PTPRD: variants seen among roughly 807,000 people sequenced by gnomAD.
PTPRD encodes receptor-type tyrosine-protein phosphatase delta.
PTPRD carries 34 observed loss-of-function variants against 214.5 expected under a neutral mutation model. The observed-to-expected ratio is 0.16, with a 90% CI of 0.12 to 0.21. The LOEUF is 0.21. PTPRD is among the 10% of genes least tolerant of loss of function. PTPRD has a pLI of 1.00. For synonymous variants in PTPRD, 1,128 were observed against 845.7 expected (o/e 1.33, Z -5.79); for missense variants, 2,545 against 2,398.7 (o/e 1.06, Z -1.27).
At chr9:9,186,585 T>C (rs531295871) in intron 9 of PTPRD, among the ~76,000 whole-genome samples, 32 of 151,622 alleles carry the variant, frequency 2.1e-4, no homozygotes, top group African/African-American at 7.7e-4. Context: ...CACTCCAACC[T>C]GGACAACAAA....
chr9:10,549,295 C>T lies in PTPRD; in HGVS notation c.-600+63103G>A, dbSNP rs368831469. ...ACCCTGTTAGACTTCTACATCCAAA[C>T]CGAACAGCCCTCTAATCACCAGTGA... On this transcript the variant is annotated intron_variant, in intron 2 of 45. Coordinates refer to ENST00000381196, the MANE Select transcript of PTPRD (RefSeq NM_002839.4). Among the ~76,000 whole-genome samples, 186 of 152,208 alleles carry T rather than the reference C, an allele frequency of 1.2e-3. 1 individual carries two copies. In the Middle Eastern group the frequency reaches 0.017, roughly 14 times the overall value.
At position 9,788,788 on chromosome 9, in the gene PTPRD, A is replaced by AT. The variant is rs540310852; in HGVS notation, c.-367-21938dup. ...CAAATCTGGCCATATTTTAAAGAAT[A>AT]TTTTTTTTTTCTGCATGAAGTTGAC... On this transcript the variant is annotated intron_variant, in intron 5 of 45. Transcript: ENST00000381196. 2.3e-3 allele frequency among the ~76,000 whole-genome samples: 348 copies of AT among 148,440 alleles called. 1 individual carries two copies. The highest frequency in any genetic ancestry group is 6.6e-3 in the African/African-American group (260 of 39,510).
At chr9:8,351,785 G>A (rs956448473) in intron 39 of PTPRD, among the ~76,000 whole-genome samples, 2 of 147,662 alleles carry the variant, frequency 1.4e-5, no homozygotes, top group Non-Finnish European at 3.0e-5. Context: ...TAGAGTTAGG[G>A]AGATGACCCA....
intron 2 of PTPRD, among the ~76,000 whole-genome samples, chr9:10,412,119 G>C (rs1186956381): frequency 2.6e-5 from 4 of 151,680 alleles, no homozygotes; most frequent in African/African-American, 9.7e-5. Context: ...CCTGAGGGAA[G>C]ATTTGAAGCC....
intron 2 of PTPRD, among the ~76,000 whole-genome samples, chr9:10,519,635 T>C (rs766030604): frequency 6.6e-6 from 1 of 152,172 alleles, no homozygotes; most frequent in Non-Finnish European, 1.5e-5. Flanking sequence ...TAAGTCTGTA[T>C]TGAGCAAGTC....
intron 3 of PTPRD, among the ~76,000 whole-genome samples, chr9:10,170,622 G>C (rs1231128577): frequency 6.6e-6 from 1 of 152,124 alleles, no homozygotes; most frequent in Non-Finnish European, 1.5e-5. Flanking sequence ...GGGAGGCGGA[G>C]CTTGCAGTGA....
intron 34 of PTPRD, among the ~76,000 whole-genome samples, chr9:8,439,678 C>G (rs770782037): frequency 6.6e-6 from 1 of 151,980 alleles, no homozygotes; most frequent in Non-Finnish European, 1.5e-5. Flanking sequence ...AAACAATGAC[C>G]AAGGATCTAC....
chr9:8,486,307 T>A lies in PTPRD; in HGVS notation c.2510A>T (p.Asn837Ile), dbSNP rs367702856. 54 of 1,614,054 alleles carry A rather than the reference T, an allele frequency of 3.3e-5. No homozygotes were observed. Among genetic ancestry groups the A allele is most frequent in the Non-Finnish European group, 4.1e-5 (48 of 1,180,022 alleles). The change falls in exon 28 of 46, where the codon AAT becomes ATT. Residue 837 changes from asparagine (N) to isoleucine (I), a missense_variant. Asn to Ile is a moderately radical substitution (Grantham distance 149). Transcript: ENST00000381196. ...PRLVINHTQM[N>I]TALIQWHPPV... Reference sequence around the variant, plus strand: ...AGGGTGCCACTGAATAAGAGCAGTATTCATCTGAGTGTGGTTAATCACAAG... The same window carrying A: ...AGGGTGCCACTGAATAAGAGCAGTAATCATCTGAGTGTGGTTAATCACAAG...
intron 3 of PTPRD, among the ~76,000 whole-genome samples, chr9:10,109,568 G>C (rs545487065): frequency 7.9e-5 from 12 of 152,168 alleles, no homozygotes; most frequent in African/African-American, 2.9e-4. Context: ...CTTTTACTCA[G>C]GCAACTCTAT....
chr9:9,745,575 A>G (rs951347998), intron 6 of PTPRD, among the ~76,000 whole-genome samples: 7 of 152,046 alleles, frequency 4.6e-5, no homozygotes, highest in African/African-American at 1.7e-4. Flanking sequence ...ACATATTGCA[A>G]TTCCTCAAAA....
At chr9:8,965,130 C>T (rs557311849) in intron 11 of PTPRD, among the ~76,000 whole-genome samples, 1 of 152,088 alleles carries the variant, frequency 6.6e-6, no homozygotes, top group South Asian at 2.1e-4. Flanking sequence ...GTAATCCCAG[C>T]ACTTTGGGAG....
At chr9:9,183,581 A>G (rs989282115) in intron 9 of PTPRD, among the ~76,000 whole-genome samples, 4 of 152,034 alleles carry the variant, frequency 2.6e-5, no homozygotes, top group African/African-American at 9.7e-5. Context: ...ACTATTGTTC[A>G]CAGGCTATAA....
At chr9:8,396,575 C>G (rs543567655) in intron 36 of PTPRD, among the ~76,000 whole-genome samples, 1 of 152,094 alleles carries the variant, frequency 6.6e-6, no homozygotes, top group Non-Finnish European at 1.5e-5. Flanking sequence ...AACTCACTCC[C>G]AGAGCTTTCT....
At chr9:10,107,453 TAGAATGACCCCCAG>T (rs1368158825) in intron 3 of PTPRD, among the ~76,000 whole-genome samples, 1 of 152,026 alleles carries the variant, frequency 6.6e-6, no homozygotes, top group Non-Finnish European at 1.5e-5. Context: ...GAATTGCCGT[TAGAATGACCCCCAG>T]AGTTTATTGA....
chr9:8,950,307 C>T (rs983523284), intron 11 of PTPRD, among the ~76,000 whole-genome samples: 8 of 152,004 alleles, frequency 5.3e-5, no homozygotes, highest in African/African-American at 1.9e-4. Flanking sequence ...AGAGAAAATG[C>T]AAGGGCAAAA....
chr9:9,653,158 A>C lies in PTPRD; in HGVS notation c.-286-78377T>G, dbSNP rs370454049. 2.7e-5 allele frequency among the ~76,000 whole-genome samples: 4 copies of C among 149,306 alleles called. No individual in the cohort carries two copies. In the East Asian group the frequency reaches 6.1e-4, roughly 23 times the overall value. ...GAGATCGAGACCATCCTGGCTAACAAGGTGAAACCCCGTCTCTACTAAAAA... is the reference window on the plus strand; with the variant it reads ...GAGATCGAGACCATCCTGGCTAACACGGTGAAACCCCGTCTCTACTAAAAA... On this transcript the variant is annotated intron_variant, in intron 7 of 45. Coordinates refer to ENST00000381196, the MANE Select transcript of PTPRD (RefSeq NM_002839.4).
At chr9:9,548,815 T>C (rs570713049) in intron 8 of PTPRD, among the ~76,000 whole-genome samples, 6 of 152,170 alleles carry the variant, frequency 3.9e-5, no homozygotes, top group African/African-American at 1.4e-4. Context: ...CAAGTAGACA[T>C]AGCAATACTA....
intron 10 of PTPRD, among the ~76,000 whole-genome samples, chr9:9,139,092 G>GC (rs895945128): frequency 6.6e-6 from 1 of 151,562 alleles, no homozygotes; most frequent in Admixed American, 6.6e-5. Context: ...CTATGCAGGA[G>GC]CCCCCCTCCC....
chr9:9,909,735 A>G lies in PTPRD; in HGVS notation c.-368+28772T>C, dbSNP rs558988300. On this transcript the variant is annotated intron_variant, in intron 5 of 45. Transcript: ENST00000381196. ...AGAAATTGACTAAGTTGACTTCAACATACAGACATGTGAGCCTTTGGGACA... is the reference window on the plus strand; with the variant it reads ...AGAAATTGACTAAGTTGACTTCAACGTACAGACATGTGAGCCTTTGGGACA... 3.0e-4 allele frequency among the ~76,000 whole-genome samples: 46 copies of G among 151,914 alleles called. 1 individual carries two copies. The South Asian group carries it at 9.5e-3, about 31-fold the overall frequency.
Sources: gnomAD v4.1 joint callset for allele counts (sites outside exome capture counted in the v4.1 genomes callset) on GRCh38, gnomAD v4.1.1 for gene constraint, MANE v1.5 for transcripts, NCBI Gene and HGNC (gene_info 2026-07-23, HGNC 2026-07-21) for gene names.